Variants in GTF2I observed in about 807,000 individuals in gnomAD.
GTF2I encodes the protein general transcription factor IIi.
A neutral mutation model predicts 67.6 loss-of-function variants in GTF2I; 12 were observed. The observed-to-expected ratio is 0.18, with a 90% CI of 0.11 to 0.29. The LOEUF is 0.29. GTF2I is among the 10% of genes least tolerant of loss of function. The probability of loss-of-function intolerance (pLI) is 1.00; values close to 1 mark genes in which losing one functional copy is unlikely to be tolerated. For missense variants in GTF2I, 271 were observed against 580.1 expected, an observed-to-expected ratio of 0.47 and a Z score of 5.47; for synonymous variants, 149 against 197.0, an observed-to-expected ratio of 0.76 and a Z score of 2.04.
At chr7:74,715,913 A>G (rs1792206376) in intron 10 of GTF2I, among the ~76,000 whole-genome samples, 1 of 152,136 alleles carries the variant, frequency 6.6e-6, no homozygotes, top group African/African-American at 2.4e-5. Flanking sequence ...TTCAGACCGT[A>G]AGCATTGCTT....
intron 1 of GTF2I, among the ~76,000 whole-genome samples, chr7:74,662,809 G>A (rs1259794825): frequency 6.6e-6 from 1 of 151,964 alleles, no homozygotes; most frequent in Non-Finnish European, 1.5e-5. Flanking sequence ...GGCGCCCTGT[G>A]ATTTTTAGGT....
At chr7:74,673,164 T>G (rs1805608861) in intron 1 of GTF2I, among the ~76,000 whole-genome samples, 1 of 152,128 alleles carries the variant, frequency 6.6e-6, no homozygotes, top group African/African-American at 2.4e-5. Flanking sequence ...CGAGCTGAGT[T>G]TACTGTTTTA....
At chr7:74,668,513 C>T (rs1439968460) in intron 1 of GTF2I, among the ~76,000 whole-genome samples, 1 of 151,828 alleles carries the variant, frequency 6.6e-6, no homozygotes, top group Non-Finnish European at 1.5e-5. Context: ...TTTGAGAATT[C>T]CTGCTTGTGT....
intron 12 of GTF2I, among the ~76,000 whole-genome samples, chr7:74,720,741 A>ATTT (rs35442354): frequency 3.0e-4 from 40 of 132,310 alleles, no homozygotes; most frequent in African/African-American, 5.3e-4. Flanking sequence ...TAGAAGCTGT[A>ATTT]TTTTTTTTTT....
intron 3 of GTF2I, among the ~76,000 whole-genome samples, chr7:74,698,002 C>G (rs1319397813): frequency 6.6e-6 from 1 of 152,176 alleles, no homozygotes; most frequent in Non-Finnish European, 1.5e-5. Context: ...GTCGCCCAGG[C>G]TGGAGTGCAG....
intron 2 of GTF2I, among the ~76,000 whole-genome samples, chr7:74,689,864 C>G (rs587637842): frequency 6.6e-6 from 1 of 152,014 alleles, no homozygotes; most frequent in Non-Finnish European, 1.5e-5. Flanking sequence ...TGCAGGTGTG[C>G]GCCACCACGC....
intron 2 of GTF2I, among the ~76,000 whole-genome samples, chr7:74,690,350 A>T (rs1373303011): frequency 6.6e-6 from 1 of 152,194 alleles, no homozygotes; most frequent in Non-Finnish European, 1.5e-5. Context: ...TATATTCATT[A>T]AATGGAATAC....
intron 1 of GTF2I, among the ~76,000 whole-genome samples, chr7:74,678,200 G>A (rs1222931215): frequency 1.3e-5 from 2 of 149,396 alleles, no homozygotes; most frequent in Non-Finnish European, 1.5e-5. Flanking sequence ...GATTACAGGT[G>A]TGAGCTACTG....
intron 8 of GTF2I, 111 bp from the exon 9 acceptor site, chr7:74,710,921 C>G: frequency 1.8e-6 from 1 of 567,202 alleles, no homozygotes; most frequent in East Asian, 3.5e-5. Context: ...AAAGTCTTTA[C>G]TTAAAATAAA....
At chr7:74,712,141 G>A (rs1791628030) in intron 9 of GTF2I, among the ~76,000 whole-genome samples, 1 of 151,996 alleles carries the variant, frequency 6.6e-6, no homozygotes. Context: ...AGTAGACACA[G>A]GGTTTCACCA....
intron 4 of GTF2I, 91 bp downstream of exon 4, chr7:74,699,186 T>C: frequency 1.7e-6 from 1 of 591,008 alleles, no homozygotes; most frequent in Non-Finnish European, 2.7e-6. Flanking sequence ...GAAAATCATA[T>C]AACACACATT....
chr7:74,683,377 A>G (rs1218536751), intron 1 of GTF2I, among the ~76,000 whole-genome samples: 1 of 152,252 alleles, frequency 6.6e-6, no homozygotes, highest in African/African-American at 2.4e-5. Context: ...CTGAAAGAAT[A>G]TAATTGTCAA....
intron 2 of GTF2I, among the ~76,000 whole-genome samples, chr7:74,690,084 G>A (rs1788136314): frequency 6.6e-6 from 1 of 152,052 alleles, no homozygotes; most frequent in Non-Finnish European, 1.5e-5. Context: ...GCGTGGCAGC[G>A]TGTGCCTGTA....
At chr7:74,684,631 ACTTC>A (rs1458010724) in intron 1 of GTF2I, 1 of 152,354 alleles carries the variant, frequency 6.6e-6, no homozygotes, top group Admixed American at 6.5e-5. Context: ...AGAACAGCGA[ACTTC>A]CGGTGTGACC....
In GTF2I at chr7:74,727,110, G is replaced by A. The variant is rs905340620; in HGVS notation, c.944-1676G>A. ...TAGTATCCTTTACAAAAGCACTTCT[G>A]TCTTTCTAAGCACATACATAGGTCC... On this transcript the variant is annotated intron_variant, in intron 12 of 34. Coordinates refer to ENST00000573035, the MANE Select transcript of GTF2I (RefSeq NM_032999.4). 8 of 152,236 alleles carry A rather than the reference G, an allele frequency of 5.3e-5. No homozygotes were observed. The South Asian group carries it at 6.2e-4, about 12-fold the overall frequency. The allele number at this position is 152,236 out of a possible 1,614,324, so 9.4% of individuals were successfully genotyped here. A position where few individuals can be genotyped will look rare whatever the true frequency, so the allele number is the denominator to read the frequency against.
At chr7:74,661,785 A>G (rs1804522043) in intron 1 of GTF2I, among the ~76,000 whole-genome samples, 1 of 152,244 alleles carries the variant, frequency 6.6e-6, no homozygotes. Context: ...CCTGTTAGCC[A>G]TGATTAGAAA....
rs1331378675 is a variant in GTF2I, at chr7:74,700,186, G to A, written c.374-61G>A. The A allele has an allele frequency of 7.7e-6, 12 of 1,550,810 alleles. No individual in the cohort carries two copies. In the East Asian group the frequency reaches 1.1e-4, roughly 15 times the overall value. ...CCTTATTAAGCCACAATAAGCTAGC[G>A]ATGATTTCATTTTGTAATCTTACCA... On this transcript the variant is annotated intron_variant, in intron 4 of 34. Coordinates refer to ENST00000573035, the MANE Select transcript of GTF2I (RefSeq NM_032999.4).
At chr7:74,664,769 T>C (rs1318477644) in intron 1 of GTF2I, among the ~76,000 whole-genome samples, 1 of 151,902 alleles carries the variant, frequency 6.6e-6, no homozygotes, top group African/African-American at 2.4e-5. Flanking sequence ...ACTAGTTACT[T>C]AAAAAATATA....
At chr7:74,700,093 C>T in intron 4 of GTF2I, 154 bp from the exon 5 acceptor site, 2 of 753,922 alleles carry the variant, frequency 2.7e-6, no homozygotes, top group Non-Finnish European at 4.2e-6. Context: ...CTTCTGCTGA[C>T]ATGGGGAGAT....
Sources: allele counts gnomAD v4.1 joint callset (sites outside exome capture counted in the v4.1 genomes callset), GRCh38; gene constraint gnomAD v4.1.1; transcripts MANE v1.5; gene names NCBI Gene and HGNC (gene_info 2026-07-23, HGNC 2026-07-21).